The following KRT28 variants were observed in gnomAD, a reference collection of about 807,000 sequenced individuals.
KRT28 encodes the protein keratin, type I cytoskeletal 28.
A neutral mutation model predicts 48.1 loss-of-function variants in KRT28; 45 were observed. That is an observed-to-expected ratio of 0.94 (90% CI 0.74 to 1.20). The LOEUF is 1.20. Among genes scored for constraint, KRT28 ranks in the 50% most tolerant of loss-of-function variants. The pLI is 0.00. For synonymous variants in KRT28, 228 were observed against 227.4 expected (o/e 1.00, Z -0.03); for missense variants, 571 against 574.1 (o/e 0.99, Z 0.06).
At chr17:40,793,300 C>A (rs1278064533) in intron 6 of KRT28, 90 bp from the exon 7 acceptor site, 9 of 773,600 alleles carry the variant, frequency 1.2e-5, no homozygotes, top group Non-Finnish European at 3.9e-6. Flanking sequence ...ATTTGTATGC[C>A]AAAAACAGGT....
Position 40,797,218 on chromosome 17 carries a change from C to A in KRT28, c.754G>T (p.Gly252Trp). Residue 252 changes from glycine to tryptophan, a missense_variant, in exon 4 of 8, where the codon GGG (glycine) becomes TGG (tryptophan). By Grantham distance (184) the Gly-to-Trp change is radical (BLOSUM62 -2). Coordinates refer to ENST00000306658, the MANE Select transcript of KRT28 (RefSeq NM_181535.3). ...TTCAACAAAACCGCGAGGTCTACCCCCGGGGCCGCGTTCATCTCCACGTTC... is the reference window on the plus strand; with the variant it reads ...TTCAACAAAACCGCGAGGTCTACCCACGGGGCCGCGTTCATCTCCACGTTC... ...NVNVEMNAAP[G>W]VDLAVLLNNM... 9 of 1,614,192 alleles carry A rather than the reference C, an allele frequency of 5.6e-6. No homozygotes were observed. Among genetic ancestry groups the A allele is most frequent in the Non-Finnish European group, 6.8e-6 (8 of 1,180,034 alleles).
rs117390700 is a variant in KRT28 at position 40,796,026 on chromosome 17, C to T, written c.978+890G>A. Among the ~76,000 whole-genome samples, 23 of 152,228 alleles carry T rather than the reference C, an allele frequency of 1.5e-4. No homozygotes were observed. The East Asian group carries it at 4.1e-3, about 27-fold the overall frequency. The stretch of plus-strand genomic sequence containing the variant: ...TAAAAACAAGTCTCCCATCTAAATC[C>T]GATATAGGGAGAAAGCACACACCTT... On this transcript the variant is annotated intron_variant, in intron 5 of 7. Transcript: ENST00000306658.
In KRT28 at chr17:40,792,392, C is replaced by T. The variant is rs1904512502; in HGVS notation, c.*35G>A. On this transcript the variant is annotated 3_prime_UTR_variant, in exon 8 of 8. Transcript: ENST00000306658. ...TTAGAATAATGCAATTGTACAGGAT[C>T]CTTTCCCAAATTATTCTTTTCTCTA... is the stretch of plus-strand genomic sequence containing the variant. 1.3e-6 allele frequency: 2 copies of T among 1,573,424 alleles called. No homozygotes were observed. The highest frequency in any genetic ancestry group is 1.8e-5 in the Admixed American group (1 of 56,900).
rs1478886995 is a variant in KRT28 at position 40,799,641 on chromosome 17, T to C, written c.253A>G (p.Asn85Asp). Residue 85 changes from asparagine (N) to aspartate (D), a missense_variant, in exon 1 of 8, where the codon AAT becomes GAT. Transcript: ENST00000306658. ...AGSEGGLLSG[N>D]EKVTMQNLND... is the part of the protein sequence containing the mutation. ...AGATTTTGCATGGTCACCTTCTCAT[T>C]TCCAGAGAGGAGTCCCCCTTCGCTT... 1.2e-6 allele frequency: 2 copies of C among 1,613,986 alleles called. No individual in the cohort carries two copies. Among genetic ancestry groups the C allele is most frequent in the African/African-American group, 1.3e-5 (1 of 74,892 alleles).
chr17:40,792,710 T>C (rs1345204396), intron 7 of KRT28, 141 bp from the exon 8 acceptor site: 4 of 654,202 alleles, frequency 6.1e-6, no homozygotes, highest in African/African-American at 3.7e-5. Context: ...GGGATAGTTT[T>C]AGCCACTTGA....
Position 40,798,302 on chromosome 17 carries a change from G to A in KRT28, c.623C>T (p.Thr208Ile). 6.2e-7 allele frequency: 1 copy of A among 1,613,616 alleles called. No homozygotes were observed. Among genetic ancestry groups the A allele is most frequent in the Non-Finnish European group, 8.5e-7 (1 of 1,179,664 alleles). ...AGACTCATATTGCAGCTCCTGGTCGGTCCTGCAGAGCGTCAGCTCGTCCAG... is the reference window on the plus strand; with the variant it reads ...AGACTCATATTGCAGCTCCTGGTCGATCCTGCAGAGCGTCAGCTCGTCCAG... The part of the protein sequence containing the change: ...RVLDELTLCR[T>I]DQELQYESLS... Residue 208 changes from threonine (T) to isoleucine (I), a missense_variant, in exon 3 of 8, where the codon ACC (threonine) becomes ATC (isoleucine). Transcript: ENST00000306658.
intron 6 of KRT28, among the ~76,000 whole-genome samples, chr17:40,793,471 T>A (rs1475274345): frequency 2.6e-5 from 4 of 152,114 alleles, no homozygotes; most frequent in Non-Finnish European, 5.9e-5. Context: ...TATATATGGA[T>A]CCAGGTGGTT....
In KRT28 at chr17:40,799,686, C is replaced by T; in HGVS notation, c.208G>A (p.Ala70Thr). ...TCGCTTCCAGCAAAGCCAATACAAG[C>T]AGCATTTCCAAGGGCACCACCAGCA... Reference protein sequence around the residue: ...SHAGGALGNAACIGFAGSEGG... With the variant: ...SHAGGALGNATCIGFAGSEGG... Residue 70 changes from alanine to threonine, a missense_variant, in exon 1 of 8, where the codon GCT (alanine) becomes ACT (threonine). Transcript: ENST00000306658. 1 of 1,614,122 alleles carries T rather than the reference C, an allele frequency of 6.2e-7. No homozygotes were observed. The highest frequency in any genetic ancestry group is 8.5e-7 in the Non-Finnish European group (1 of 1,180,010).
At position 40,792,519 on chromosome 17, in the gene KRT28, G is replaced by C; in HGVS notation, c.1303C>G (p.Arg435Gly). 6.2e-7 allele frequency: 1 copy of C among 1,613,104 alleles called. No individual in the cohort carries two copies. Among genetic ancestry groups the C allele is most frequent in the South Asian group, 1.1e-5 (1 of 91,022 alleles). Reference protein sequence around the residue: ...VKTVVEELDQRGKVLSSRIHS... With the variant: ...VKTVVEELDQGGKVLSSRIHS... ...ATCCTTGATGAAAGAACTTTACCAC[G>C]TTGATCTAGCTCTTCAACCACTGTC... The change falls in exon 8 of 8, where the codon CGT (arginine) becomes GGT (glycine). Residue 435 changes from arginine to glycine, a missense_variant. Physicochemically the swap from Arg to Gly is moderately radical, Grantham distance 125. Transcript: ENST00000306658.
At chr17:40,795,712 C>G (rs981683774) in intron 5 of KRT28, among the ~76,000 whole-genome samples, 2 of 152,180 alleles carry the variant, frequency 1.3e-5, no homozygotes, top group African/African-American at 2.4e-5. Flanking sequence ...CAGACTCTAA[C>G]TACTTTATAA....
Position 40,792,544 on chromosome 17 carries a change from C to A in KRT28, c.1278G>T (p.Lys426Asn), listed in dbSNP as rs747737726. 1.2e-6 allele frequency: 2 copies of A among 1,611,586 alleles called. No individual in the cohort carries two copies. The highest frequency in any genetic ancestry group is 1.7e-6 in the Non-Finnish European group (2 of 1,179,044). Residue 426 changes from lysine (K) to asparagine (N), a missense_variant, in exon 8 of 8, where the codon AAG becomes AAT. Coordinates refer to ENST00000306658, the MANE Select transcript of KRT28 (RefSeq NM_181535.3). ...GTTGATCTAGCTCTTCAACCACTGTCTTTACCAGTGTGGTTTTGGATAAAT... is the reference window on the plus strand; with the variant it reads ...GTTGATCTAGCTCTTCAACCACTGTATTTACCAGTGTGGTTTTGGATAAAT... ...SKDLSKTTLV[K>N]TVVEELDQRG...
Position 40,799,000 on chromosome 17 carries a change from C to A in KRT28, c.451-1G>T. On this transcript the variant is annotated splice_acceptor_variant, in intron 1 of 7. Coordinates refer to ENST00000306658, the MANE Select transcript of KRT28 (RefSeq NM_181535.3). LOFTEE classifies it high-confidence loss of function. The stretch of plus-strand genomic sequence containing the variant: ...CATTAGTAGTAGTGGAGGAGATAAT[C>A]TAGAATAAACCAAAACAGAGAACAC... The A allele has an allele frequency of 6.4e-7, 1 of 1,555,408 alleles. No individual in the cohort carries two copies. The highest frequency in any genetic ancestry group is 1.2e-5 in the South Asian group (1 of 86,070).
Position 40,799,713 on chromosome 17 carries a change from G to A in KRT28, c.181C>T (p.His61Tyr). 1 of 1,614,018 alleles carries A rather than the reference G, an allele frequency of 6.2e-7. No individual in the cohort carries two copies. Among genetic ancestry groups the A allele is most frequent in the Non-Finnish European group, 8.5e-7 (1 of 1,179,990 alleles). Residue 61 changes from histidine (H) to tyrosine (Y), a missense_variant, in exon 1 of 8, where the codon CAT becomes TAT. By Grantham distance (83) the His-to-Tyr change is moderately conservative (BLOSUM62 2). Transcript: ENST00000306658. ...GGLGSVPGGS[H>Y]AGGALGNAAC... is the part of the protein sequence containing the mutation. ...GCATTTCCAAGGGCACCACCAGCAT[G>A]GCTCCCACCAGGAACACTGCCCAAG... is the stretch of plus-strand genomic sequence containing the variant.
At position 40,794,057 on chromosome 17, in the gene KRT28, C is replaced by G. The variant is rs1471746395; in HGVS notation, c.979-11G>C. 1 of 1,613,574 alleles carries G rather than the reference C, an allele frequency of 6.2e-7. No homozygotes were observed. Among genetic ancestry groups the G allele is most frequent in the Middle Eastern group, 1.7e-4 (1 of 6,056 alleles). On this transcript the variant is annotated splice_polypyrimidine_tract_variant and intron_variant, in intron 5 of 7. Coordinates refer to ENST00000306658, the MANE Select transcript of KRT28 (RefSeq NM_181535.3). ...CTCCAGGGAGTGTTTCTGAGGACAT[C>G]AAAGAAGCCGTGGCAAGGGATGAAA...
In KRT28 at chr17:40,793,831, T is replaced by G; in HGVS notation, c.1194A>C (p.Gly398=). The part of the protein sequence containing the change: ...ETYCRLIDGD[G]NSCSKSKGFG... Reference sequence around the variant, plus strand: ...GATTTTCAAATGGCTTTACTTACTTTCCATCTCCATCTATCAGGCGGCAGT... The same window carrying G: ...GATTTTCAAATGGCTTTACTTACTTGCCATCTCCATCTATCAGGCGGCAGT... Residue 398 remains glycine, a splice_region_variant and synonymous_variant, in exon 6 of 8, where the codon GGA becomes GGC. Transcript: ENST00000306658. 1 of 1,613,962 alleles carries G rather than the reference T, an allele frequency of 6.2e-7. No individual in the cohort carries two copies. The highest frequency in any genetic ancestry group is 8.5e-7 in the Non-Finnish European group (1 of 1,179,818).
In KRT28 at chr17:40,792,350, T is replaced by C; in HGVS notation, c.*77A>G. On this transcript the variant is annotated 3_prime_UTR_variant, in exon 8 of 8. Transcript: ENST00000306658. The stretch of plus-strand genomic sequence containing the variant: ...TGTATCTTTAAAAGTAAAAAGTGTG[T>C]ATATTCTCTCTGATATTTAGAATAA... 3 of 1,212,686 alleles carry C rather than the reference T, an allele frequency of 2.5e-6. No individual in the cohort carries two copies. The South Asian group carries it at 5.0e-5, about 20-fold the overall frequency. 75.1% of individuals were successfully genotyped at this position (1,212,686 alleles called of 1,614,324 possible).
chr17:40,796,491 T>G (rs539013567), intron 5 of KRT28, among the ~76,000 whole-genome samples: 1 of 152,294 alleles, frequency 6.6e-6, no homozygotes, highest in African/African-American at 2.4e-5. Context: ...CACATGTGGC[T>G]TCTAATATGT....
rs1182327158 is a variant in KRT28 at position 40,792,524 on chromosome 17, T to C, written c.1298A>G (p.Asp433Gly). Residue 433 changes from aspartate to glycine, a missense_variant, in exon 8 of 8, where the codon GAT becomes GGT. Coordinates refer to ENST00000306658, the MANE Select transcript of KRT28 (RefSeq NM_181535.3). Reference protein sequence around the residue: ...TLVKTVVEELDQRGKVLSSRI... With the variant: ...TLVKTVVEELGQRGKVLSSRI... Reference sequence around the variant, plus strand: ...TGATGAAAGAACTTTACCACGTTGATCTAGCTCTTCAACCACTGTCTTTAC... The same window carrying C: ...TGATGAAAGAACTTTACCACGTTGACCTAGCTCTTCAACCACTGTCTTTAC... 2 of 1,613,370 alleles carry C rather than the reference T, an allele frequency of 1.2e-6. No homozygotes were observed. The highest frequency in any genetic ancestry group is 2.2e-5 in the South Asian group (2 of 91,024).
chr17:40,797,706 G>A (rs1395515428), intron 3 of KRT28, among the ~76,000 whole-genome samples: 4 of 151,968 alleles, frequency 2.6e-5, no homozygotes, highest in Non-Finnish European at 5.9e-5. Flanking sequence ...CTGAGATTGC[G>A]CCACTGCACT....
Sources: gnomAD v4.1 joint callset for allele counts (sites outside exome capture counted in the v4.1 genomes callset) on GRCh38, gnomAD v4.1.1 for gene constraint, MANE v1.5 for transcripts, NCBI Gene and HGNC (gene_info 2026-07-23, HGNC 2026-07-21) for gene names.